The following KLF15 variants were observed in gnomAD, a reference collection of about 807,000 sequenced individuals.
KLF15 encodes the protein KLF transcription factor 15, also known as Krueppel-like factor 15.
A neutral mutation model predicts 24.6 loss-of-function variants in KLF15; 4 were observed. That is an observed-to-expected ratio of 0.16 (90% CI 0.08 to 0.37). The LOEUF (loss-of-function observed/expected upper bound fraction) is 0.37, where lower values mean the gene tolerates loss of function less well. KLF15 is among the 10% of genes least tolerant of loss of function. The pLI, the probability that KLF15 is intolerant of heterozygous loss-of-function variation, is 1.00. For missense variants in KLF15, 496 were observed against 560.6 expected, an observed-to-expected ratio of 0.88 and a Z score of 1.16; for synonymous variants, 246 against 236.3, an observed-to-expected ratio of 1.04 and a Z score of -0.37.
chr3:126,312,416 C>G, the KLF15 span, among the ~76,000 whole-genome samples: 1 of 152,096 alleles, frequency 6.6e-6, no homozygotes, highest in Non-Finnish European at 1.5e-5. Context: ...CTCAAGTGAT[C>G]CTCCCACCTT....
the KLF15 span, among the ~76,000 whole-genome samples, chr3:126,301,052 G>A: frequency 1.3e-5 from 2 of 152,224 alleles, no homozygotes; most frequent in African/African-American, 2.4e-5. Flanking sequence ...CTGGAACATG[G>A]GAAGTTTCAC....
At chr3:126,328,673 A>G in the KLF15 span, among the ~76,000 whole-genome samples, 1 of 152,216 alleles carries the variant, frequency 6.6e-6, no homozygotes, top group African/African-American at 2.4e-5. Context: ...CCAAAAAAAA[A>G]TTGTACTACA....
chr3:126,319,682 A>C, the KLF15 span, among the ~76,000 whole-genome samples: 1 of 152,170 alleles, frequency 6.6e-6, no homozygotes, highest in East Asian at 1.9e-4. Flanking sequence ...TTATCTGATC[A>C]CAATTAAACC....
chr3:126,303,115 T>C, the KLF15 span, among the ~76,000 whole-genome samples: 2 of 152,158 alleles, frequency 1.3e-5, 1 homozygote, highest in South Asian at 4.1e-4. Flanking sequence ...TGCCCCTTTA[T>C]TTACATTAGC....
At chr3:126,317,705 C>T in the KLF15 span, among the ~76,000 whole-genome samples, 1 of 152,182 alleles carries the variant, frequency 6.6e-6, no homozygotes, top group Non-Finnish European at 1.5e-5. Flanking sequence ...ATATAAATTT[C>T]AAGTCAATGG....
chr3:126,329,244 T>G, the KLF15 span, among the ~76,000 whole-genome samples: 1 of 152,222 alleles, frequency 6.6e-6, no homozygotes, highest in African/African-American at 2.4e-5. Context: ...AATAGCCATA[T>G]GTACTTGAGT....
chr3:126,354,805 G>A (rs1013524113), intron 1 of KLF15, among the ~76,000 whole-genome samples: 1 of 152,182 alleles, frequency 6.6e-6, no homozygotes, highest in African/African-American at 2.4e-5. Flanking sequence ...CACCCTCCAA[G>A]CAGGGGCTCC....
rs1044923875 is a variant in KLF15 at position 126,356,300 on chromosome 3, G to T, written c.-26+937C>A. Among the ~76,000 whole-genome samples, 1 of 152,156 alleles carries T rather than the reference G, an allele frequency of 6.6e-6. No individual in the cohort carries two copies. The highest frequency in any genetic ancestry group is 2.4e-5 in the African/African-American group (1 of 41,426). On this transcript the variant is annotated intron_variant, in intron 1 of 2. Transcript: ENST00000296233. The surrounding 1 kb of genome is among the most constrained non-coding windows in gnomAD (Gnocchi z 4.4). Reference sequence around the variant, plus strand: ...AGGGGCCACCTGGTCCGGGGGGACAGGGGGAAGGAGATTTGAGGCTCTCAA... The same window carrying T: ...AGGGGCCACCTGGTCCGGGGGGACATGGGGAAGGAGATTTGAGGCTCTCAA...
chr3:126,312,779 G>A, the KLF15 span, among the ~76,000 whole-genome samples: 5 of 152,182 alleles, frequency 3.3e-5, no homozygotes, highest in Non-Finnish European at 5.9e-5. Context: ...GCAAGTCCTC[G>A]ATCAAGGTGT....
the KLF15 span, among the ~76,000 whole-genome samples, chr3:126,323,435 A>G: frequency 1.8e-5 from 1 of 54,842 alleles, no homozygotes; most frequent in African/African-American, 7.1e-5. Context: ...ATATATATAT[A>G]ACATATATAT....
At position 126,342,964 on chromosome 3, in the gene KLF15, C is replaced by T. The variant is rs1398052049; in HGVS notation, c.*763G>A. The T allele has an allele frequency of 6.6e-6, 1 of 152,324 alleles. No individual in the cohort carries two copies. Among genetic ancestry groups the T allele is most frequent in the Non-Finnish European group, 1.5e-5 (1 of 67,974 alleles). The allele number at this position is 152,324 out of a possible 1,614,324, so 9.4% of individuals were successfully genotyped here. A position where few individuals can be genotyped will look rare whatever the true frequency, so the allele number is the denominator to read the frequency against. On this transcript the variant is annotated 3_prime_UTR_variant, in exon 3 of 3. Coordinates refer to ENST00000296233, the MANE Select transcript of KLF15 (RefSeq NM_014079.4). ...ACCCAGGACAGCCTGGCCCTCTCCT[C>T]CCAAGGCCACCCTAAAGGCTGGTGT... is the stretch of plus-strand genomic sequence containing the variant.
the KLF15 span, among the ~76,000 whole-genome samples, chr3:126,317,007 C>T: frequency 7.6e-4 from 115 of 152,256 alleles, 1 homozygote; most frequent in African/African-American, 2.7e-3. Flanking sequence ...TATATTTTAC[C>T]AGAGGTGGAA....
chr3:126,309,469 C>T, the KLF15 span, among the ~76,000 whole-genome samples: 3 of 152,194 alleles, frequency 2.0e-5, no homozygotes, highest in Non-Finnish European at 4.4e-5. Flanking sequence ...GCGACAGATT[C>T]GAGTTGGAGG....
chr3:126,290,879 C>G, the KLF15 span: 1 of 152,214 alleles, frequency 6.6e-6, no homozygotes, highest in African/African-American at 2.4e-5. Context: ...TAAGCCTTGT[C>G]AAAAGGTCTC....
At chr3:126,297,109 T>C in the KLF15 span, among the ~76,000 whole-genome samples, 2 of 152,182 alleles carry the variant, frequency 1.3e-5, no homozygotes, top group African/African-American at 4.8e-5. Flanking sequence ...AAACTTAATT[T>C]TTAAAATTTT....
the KLF15 span, among the ~76,000 whole-genome samples, chr3:126,307,150 T>C: frequency 6.6e-6 from 1 of 152,136 alleles, no homozygotes; most frequent in Admixed American, 6.5e-5. Flanking sequence ...CCCCAAGCAG[T>C]ACCCGTCAGC....
downstream of KLF15, among the ~76,000 whole-genome samples, chr3:126,338,306 A>C (rs149478697): frequency 1.3e-5 from 2 of 152,216 alleles, no homozygotes; most frequent in Admixed American, 1.3e-4. Flanking sequence ...CAGCAGTGCC[A>C]CGTCAGCATG....
the KLF15 span, among the ~76,000 whole-genome samples, chr3:126,300,937 C>A: frequency 6.6e-6 from 1 of 152,300 alleles, no homozygotes; most frequent in Middle Eastern, 3.4e-3. Flanking sequence ...TGATCCAGGC[C>A]ACACATCACT....
At chr3:126,357,028 G>A (rs1394737706) in intron 1 of KLF15, among the ~76,000 whole-genome samples, 1 of 150,650 alleles carries the variant, frequency 6.6e-6, no homozygotes, top group Admixed American at 6.6e-5. Context: ...GTGGGCGACC[G>A]GGGCGGGGGG....
Sources: gnomAD v4.1 joint callset for allele counts (sites outside exome capture counted in the v4.1 genomes callset) on GRCh38, gnomAD v4.1.1 for gene constraint, Gnocchi (gnomAD v3.1) non-coding constraint, MANE v1.5 for transcripts, NCBI Gene and HGNC (gene_info 2026-07-23, HGNC 2026-07-21) for gene names.